Variants in HLCS observed in about 807,000 individuals in gnomAD.
The protein encoded by HLCS is holocarboxylase synthetase.
In HLCS, 53 loss-of-function variants were observed where a neutral mutation model predicts 75.0. That is an observed-to-expected ratio of 0.71 (90% confidence interval 0.57 to 0.89). The LOEUF (loss-of-function observed/expected upper bound fraction) is 0.89. Among genes scored for constraint, HLCS ranks in the 40% least tolerant of loss-of-function variants. HLCS has a pLI of 0.00. For missense variants in HLCS, 966 were observed against 1,074.0 expected (o/e 0.90, Z 1.41); for synonymous variants, 431 against 428.6 (o/e 1.01, Z -0.07).
At chr21:36,905,673 A>T (rs1251788418) in intron 5 of HLCS, among the ~76,000 whole-genome samples, 1 of 152,122 alleles carries the variant, frequency 6.6e-6, no homozygotes, top group African/African-American at 2.4e-5. Context: ...GTCATGTTGC[A>T]CAGGACATGA....
intron 6 of HLCS, among the ~76,000 whole-genome samples, chr21:36,781,023 G>A (rs2060513962): frequency 7.6e-6 from 1 of 131,922 alleles, no homozygotes; most frequent in African/African-American, 2.9e-5. Context: ...TGTATTTACA[G>A]CCGCTCCCCA....
intron 6 of HLCS, among the ~76,000 whole-genome samples, chr21:36,816,982 T>C (rs1190280785): frequency 6.6e-6 from 1 of 152,144 alleles, no homozygotes; most frequent in Non-Finnish European, 1.5e-5. Flanking sequence ...AGACTTTCAG[T>C]GGCCAAGATT....
rs761549990 is a variant in HLCS at position 36,793,295 on chromosome 21, C to CTTTTTTT, written c.1893-26017_1893-26011dup. Reference sequence around the variant, plus strand: ...AGAACACGGGACAGCAGGAAGCAGTCTTTTTTTTTTTTTTTTTTGAGATAG... The same window carrying CTTTTTTT: ...AGAACACGGGACAGCAGGAAGCAGTCTTTTTTTTTTTTTTTTTTTTTTTTTGAGATAG... On this transcript the variant is annotated intron_variant, in intron 6 of 10. Transcript: ENST00000674895. 1.3e-3 allele frequency among the ~76,000 whole-genome samples: 148 copies of CTTTTTTT among 116,236 alleles called. 4 individuals are homozygous for CTTTTTTT. The highest frequency in any genetic ancestry group is 4.3e-3 in the African/African-American group (134 of 31,142). 76.3% of individuals were successfully genotyped at this position (116,236 alleles called of 152,430 possible).
chr21:36,876,261 T>C (rs1445735471), intron 6 of HLCS, among the ~76,000 whole-genome samples: 1 of 152,122 alleles, frequency 6.6e-6, no homozygotes, highest in African/African-American at 2.4e-5. Flanking sequence ...CAGGCAAAGG[T>C]ACCACCAGCC....
chr21:36,868,295 A>AAAGAAAAAGAAAGAAAGAAAG (rs1569122668), intron 6 of HLCS, among the ~76,000 whole-genome samples: 2 of 103,744 alleles, frequency 1.9e-5, no homozygotes, highest in African/African-American at 9.7e-5. Context: ...AAGAAAGAAA[A>AAAGAAAAAGAAAGAAAGAAAG]AGAAAAACAG....
chr21:36,863,105 A>T (rs143231678), intron 6 of HLCS, among the ~76,000 whole-genome samples: 116 of 152,306 alleles, frequency 7.6e-4, no homozygotes, highest in African/African-American at 2.6e-3. Context: ...CCCATGAGAC[A>T]GAAATGTATG....
At chr21:36,852,587 C>CA (rs1227992161) in intron 6 of HLCS, among the ~76,000 whole-genome samples, 4 of 152,198 alleles carry the variant, frequency 2.6e-5, no homozygotes, top group Non-Finnish European at 5.9e-5. Context: ...AGTAAGGAAA[C>CA]AGAGTTCTTT....
chr21:36,776,473 G>A (rs981902840), intron 6 of HLCS, among the ~76,000 whole-genome samples: 6 of 151,638 alleles, frequency 4.0e-5, no homozygotes, highest in African/African-American at 1.5e-4. Flanking sequence ...AGAGTGCAGT[G>A]GCACAATCTA....
intron 6 of HLCS, among the ~76,000 whole-genome samples, chr21:36,787,594 C>A (rs1831491392): frequency 6.6e-6 from 1 of 152,110 alleles, no homozygotes; most frequent in African/African-American, 2.4e-5. Flanking sequence ...TTTTCATCAT[C>A]AAATGGACAT....
At chr21:36,946,867 A>G (rs1217545138) in intron 2 of HLCS, among the ~76,000 whole-genome samples, 1 of 152,218 alleles carries the variant, frequency 6.6e-6, no homozygotes, top group East Asian at 1.9e-4. Flanking sequence ...ATGTTTCAGC[A>G]GAGTTCTACA....
intron 2 of HLCS, among the ~76,000 whole-genome samples, chr21:36,957,517 G>A (rs1316434990): frequency 6.6e-6 from 1 of 152,104 alleles, no homozygotes; most frequent in Non-Finnish European, 1.5e-5. Context: ...AAAAAGAAAA[G>A]CCAGATATTA....
At chr21:36,810,111 T>C (rs1282350849) in intron 6 of HLCS, among the ~76,000 whole-genome samples, 1 of 152,270 alleles carries the variant, frequency 6.6e-6, no homozygotes, top group African/African-American at 2.4e-5. Context: ...CCCTTGGGGT[T>C]GAACTTCATT....
chr21:36,832,890 G>A (rs1414694083), intron 6 of HLCS, among the ~76,000 whole-genome samples: 1 of 152,190 alleles, frequency 6.6e-6, no homozygotes, highest in Non-Finnish European at 1.5e-5. Flanking sequence ...CAGATGCACA[G>A]CTGCCTTCTC....
intron 6 of HLCS, among the ~76,000 whole-genome samples, chr21:36,861,239 C>T (rs2063371272): frequency 6.6e-6 from 1 of 152,264 alleles, no homozygotes; most frequent in East Asian, 1.9e-4. Context: ...ACAATCTCCA[C>T]AGCCCTCCCC....
At chr21:36,887,740 A>T (rs1485697941) in intron 6 of HLCS, among the ~76,000 whole-genome samples, 1 of 152,236 alleles carries the variant, frequency 6.6e-6, no homozygotes, top group African/African-American at 2.4e-5. Flanking sequence ...ACATAAAAAA[A>T]TTCGTGCTAA....
chr21:36,938,814 T>G lies in HLCS; in HGVS notation c.493+18A>C. On this transcript the variant is annotated intron_variant, in intron 3 of 10. Transcript: ENST00000674895. ...CCACTATGCCTGGCCAATAAAAACA[T>G]TTTCTAAAGTTACTTACACACAATC... 11 of 1,613,682 alleles carry G rather than the reference T, an allele frequency of 6.8e-6. No individual in the cohort carries two copies. The highest frequency in any genetic ancestry group is 8.5e-6 in the Non-Finnish European group (10 of 1,179,874).
At chr21:36,988,983 T>C (rs1165930978) in intron 1 of HLCS, among the ~76,000 whole-genome samples, 2 of 151,888 alleles carry the variant, frequency 1.3e-5, no homozygotes, top group African/African-American at 2.4e-5. Context: ...CTTTAATCAA[T>C]GGTAGGGGAT....
At chr21:36,944,716 C>T (rs2067303285) in intron 2 of HLCS, among the ~76,000 whole-genome samples, 2 of 152,154 alleles carry the variant, frequency 1.3e-5, no homozygotes, top group Admixed American at 1.3e-4. Flanking sequence ...GGTCACCTCC[C>T]TCCATCATCA....
chr21:36,786,613 C>A (rs1451073908), intron 6 of HLCS, among the ~76,000 whole-genome samples: 1 of 152,164 alleles, frequency 6.6e-6, no homozygotes, highest in Non-Finnish European at 1.5e-5. Context: ...TTCCCCTCCC[C>A]CAACCAAACA....
Sources: allele counts gnomAD v4.1 joint callset (sites outside exome capture counted in the v4.1 genomes callset), GRCh38; gene constraint gnomAD v4.1.1; transcripts MANE v1.5; gene names NCBI Gene and HGNC (gene_info 2026-07-23, HGNC 2026-07-21).